Variants in CTNNA3 observed in about 807,000 individuals in gnomAD.
CTNNA3 encodes the protein catenin alpha-3.
Under a neutral mutation model 95.7 loss-of-function variants are expected in CTNNA3, and 76 were observed. The ratio of observed to expected loss-of-function variants is 0.79; its 90% CI spans 0.66 to 0.96. The LOEUF (loss-of-function observed/expected upper bound fraction) is 0.96. Ranked by LOEUF, CTNNA3 falls within the 40% of genes least tolerant of loss-of-function variation. The probability of loss-of-function intolerance (pLI) is 0.00; values close to 1 mark genes in which losing one functional copy is unlikely to be tolerated. For synonymous variants in CTNNA3, 431 were observed against 374.4 expected, an observed-to-expected ratio of 1.15 and a Z score of -1.74; for missense variants, 1,191 against 1,089.8, an observed-to-expected ratio of 1.09 and a Z score of -1.31.
chr10:67,533,764 T>C (rs1478146932), intron 4 of CTNNA3, among the ~76,000 whole-genome samples: 1 of 152,164 alleles, frequency 6.6e-6, no homozygotes, highest in East Asian at 1.9e-4. Context: ...TTGCTTCTCC[T>C]GGGGCAGTCT....
At chr10:67,727,287 C>T (rs1350352980) in intron 1 of CTNNA3, among the ~76,000 whole-genome samples, 1 of 129,210 alleles carries the variant, frequency 7.7e-6, no homozygotes, top group Non-Finnish European at 1.6e-5. Context: ...TCAACAGTGA[C>T]TAGAATTTTA....
At chr10:66,058,861 T>C (rs1207044304) in intron 15 of CTNNA3, among the ~76,000 whole-genome samples, 1 of 152,176 alleles carries the variant, frequency 6.6e-6, no homozygotes, top group African/African-American at 2.4e-5. Context: ...CCAGCCTTTT[T>C]AGAAAATGCA....
intron 15 of CTNNA3, among the ~76,000 whole-genome samples, chr10:66,006,235 G>C (rs373175594): frequency 1.3e-5 from 2 of 151,768 alleles, no homozygotes; most frequent in African/African-American, 2.4e-5. Context: ...GGATAGTCTC[G>C]ATCTCCTGAC....
chr10:66,467,067 A>G (rs575339210), intron 11 of CTNNA3, among the ~76,000 whole-genome samples: 129 of 152,178 alleles, frequency 8.5e-4, no homozygotes, highest in African/African-American at 3.0e-3. Context: ...AACTGAAGAA[A>G]TAAATGTCAG....
chr10:67,459,938 A>G (rs1272380336), intron 5 of CTNNA3, among the ~76,000 whole-genome samples: 1 of 152,128 alleles, frequency 6.6e-6, no homozygotes, highest in Non-Finnish European at 1.5e-5. Flanking sequence ...GAAACATTGT[A>G]TATTAACTTT....
At position 67,576,840 on chromosome 10, in the gene CTNNA3, T is replaced by C. The variant is rs1464852351; in HGVS notation, c.292+30017A>G. ...TGTCCTTGCAATAGTTTGCTGAGAA[T>C]GATAGTTTCCAGCATCATCGATGTC... On this transcript the variant is annotated intron_variant, in intron 3 of 17. Coordinates refer to ENST00000433211, the MANE Select transcript of CTNNA3 (RefSeq NM_013266.4). Among the ~76,000 whole-genome samples, 2 of 110,266 alleles carry C rather than the reference T, an allele frequency of 1.8e-5. 1 individual carries two copies. Among genetic ancestry groups the C allele is most frequent in the Non-Finnish European group, 3.2e-5 (2 of 62,642 alleles). The allele number at this position is 110,266 out of a possible 152,430, so 72.3% of individuals were successfully genotyped here.
chr10:67,563,665 T>C (rs1373747806), intron 3 of CTNNA3, among the ~76,000 whole-genome samples: 1 of 151,928 alleles, frequency 6.6e-6, no homozygotes, highest in Non-Finnish European at 1.5e-5. Flanking sequence ...ACTAAAGAGC[T>C]TCTGCACAGC....
chr10:67,039,967 G>T (rs2133142229), intron 7 of CTNNA3, among the ~76,000 whole-genome samples: 1 of 152,156 alleles, frequency 6.6e-6, no homozygotes, highest in African/African-American at 2.4e-5. Flanking sequence ...CTGTCTGGGG[G>T]TTACCAGTTC....
intron 5 of CTNNA3, among the ~76,000 whole-genome samples, chr10:67,377,230 T>C (rs2132720030): frequency 6.6e-6 from 1 of 152,316 alleles, no homozygotes; most frequent in Non-Finnish European, 1.5e-5. Flanking sequence ...ACCTCTGAGA[T>C]TGCTGTTAAA....
At chr10:66,984,152 CAA>C (rs5785810) in intron 7 of CTNNA3, among the ~76,000 whole-genome samples, 5 of 151,734 alleles carry the variant, frequency 3.3e-5, no homozygotes, top group Non-Finnish European at 7.4e-5. Flanking sequence ...CATCCGCTAC[CAA>C]AAAAAACACT....
intron 7 of CTNNA3, among the ~76,000 whole-genome samples, chr10:66,937,896 T>C (rs1847796783): frequency 6.6e-6 from 1 of 152,164 alleles, no homozygotes; most frequent in South Asian, 2.1e-4. Context: ...TTCTGTTTTT[T>C]TTCCCCCTCT....
intron 7 of CTNNA3, among the ~76,000 whole-genome samples, chr10:66,877,739 T>C (rs906265882): frequency 6.6e-6 from 1 of 152,150 alleles, no homozygotes; most frequent in Non-Finnish European, 1.5e-5. Context: ...TCCTCTATTC[T>C]TGTCTTGATT....
At chr10:67,272,606 G>A (rs1839028707) in intron 5 of CTNNA3, among the ~76,000 whole-genome samples, 1 of 152,082 alleles carries the variant, frequency 6.6e-6, no homozygotes, top group South Asian at 2.1e-4. Flanking sequence ...CTTAAGCAAA[G>A]TTAATACTTT....
intron 5 of CTNNA3, among the ~76,000 whole-genome samples, chr10:67,409,845 G>C (rs757714245): frequency 2.0e-5 from 3 of 152,092 alleles, no homozygotes; most frequent in Non-Finnish European, 4.4e-5. Flanking sequence ...CTGTTAAAAA[G>C]TCAAAAAATA....
chr10:66,274,746 C>A (rs2091355286), intron 13 of CTNNA3, among the ~76,000 whole-genome samples: 2 of 152,024 alleles, frequency 1.3e-5, no homozygotes, highest in South Asian at 4.2e-4. Flanking sequence ...TCCAATGTAA[C>A]CACCTCAAAT....
chr10:66,738,131 A>C (rs954732444), intron 9 of CTNNA3, among the ~76,000 whole-genome samples: 2 of 152,148 alleles, frequency 1.3e-5, no homozygotes, highest in Non-Finnish European at 2.9e-5. Context: ...TTAGTTCTAT[A>C]ATAGCTGTTT....
intron 7 of CTNNA3, among the ~76,000 whole-genome samples, chr10:66,963,088 C>T (rs750800294): frequency 1.3e-4 from 20 of 152,136 alleles, no homozygotes; most frequent in Admixed American, 1.3e-4. Flanking sequence ...CTATATCATA[C>T]TCTGTAAATT....
At chr10:67,217,223 A>C (rs1348852004) in intron 6 of CTNNA3, among the ~76,000 whole-genome samples, 1 of 152,222 alleles carries the variant, frequency 6.6e-6, no homozygotes, top group Admixed American at 6.5e-5. Context: ...GTTATTTTGG[A>C]TCCTTTACCA....
At chr10:66,547,099 A>C (rs1212223153) in intron 10 of CTNNA3, among the ~76,000 whole-genome samples, 2 of 152,030 alleles carry the variant, frequency 1.3e-5, no homozygotes, top group Non-Finnish European at 2.9e-5. Flanking sequence ...ACTCTCTTGC[A>C]CATATTGCTA....
Sources: allele counts gnomAD v4.1 joint callset (sites outside exome capture counted in the v4.1 genomes callset), GRCh38; gene constraint gnomAD v4.1.1; transcripts MANE v1.5; gene names NCBI Gene and HGNC (gene_info 2026-07-23, HGNC 2026-07-21).